The following CELF2 variants were observed in gnomAD, a reference collection of about 807,000 sequenced individuals.
The protein encoded by CELF2 is CUG triplet repeat RNA-binding protein 2.
A neutral mutation model predicts 62.6 loss-of-function variants in CELF2; 8 were observed. The ratio of observed to expected loss-of-function variants is 0.13; its 90% CI spans 0.07 to 0.23. The LOEUF (loss-of-function observed/expected upper bound fraction) is 0.23. Among genes scored for constraint, CELF2 ranks in the 10% least tolerant of loss-of-function variants. The pLI is 1.00. For missense variants in CELF2, 333 were observed against 671.0 expected, an observed-to-expected ratio of 0.50 and a Z score of 5.56; for synonymous variants, 258 against 250.0, an observed-to-expected ratio of 1.03 and a Z score of -0.30.
chr10:11,155,682 T>C (rs749353959), intron 1 of CELF2, among the ~76,000 whole-genome samples: 1 of 152,232 alleles, frequency 6.6e-6, no homozygotes, highest in Non-Finnish European at 1.5e-5. Flanking sequence ...TCTTCACAAG[T>C]GGATTCTGTT....
At chr10:10,706,679 A>G in the CELF2 span, among the ~76,000 whole-genome samples, 1 of 152,230 alleles carries the variant, frequency 6.6e-6, no homozygotes, top group Non-Finnish European at 1.5e-5. Context: ...ATCATATGGT[A>G]TTAGAAAACT....
At chr10:10,869,084 C>T (rs1487092763) in intron 1 of CELF2, among the ~76,000 whole-genome samples, 2 of 151,900 alleles carry the variant, frequency 1.3e-5, no homozygotes, top group Non-Finnish European at 2.9e-5. Flanking sequence ...ACTTTTTTTC[C>T]ATGTCTTACT....
rs1198665557 is a variant in CELF2, at chr10:11,260,619, A to C, written c.538+2747A>C. On this transcript the variant is annotated intron_variant, in intron 5 of 12. Transcript: ENST00000633077. The surrounding 1 kb of genome is among the most constrained non-coding windows in gnomAD (Gnocchi z 4.2). ...TTTTATGCAAACGCTGGCTCAGTGG[A>C]AAGAGGAGAAAACTTTTCCCTCCCC... is the stretch of plus-strand genomic sequence containing the variant. Among the ~76,000 whole-genome samples, 1 of 151,790 alleles carries C rather than the reference A, an allele frequency of 6.6e-6. No homozygotes were observed. The highest frequency in any genetic ancestry group is 6.6e-5 in the Admixed American group (1 of 15,260).
chr10:11,240,112 A>G (rs1334687076), intron 3 of CELF2, among the ~76,000 whole-genome samples: 1 of 152,222 alleles, frequency 6.6e-6, no homozygotes, highest in African/African-American at 2.4e-5. Flanking sequence ...ACAACTTGAA[A>G]TAGCGCTGAG....
At chr10:10,538,655 T>G in the CELF2 span, among the ~76,000 whole-genome samples, 8 of 151,722 alleles carry the variant, frequency 5.3e-5, no homozygotes, top group Non-Finnish European at 1.0e-4. Flanking sequence ...CCAAACATAC[T>G]ACAGAATATG....
the CELF2 span, among the ~76,000 whole-genome samples, chr10:10,500,485 G>T: frequency 6.6e-6 from 1 of 152,284 alleles, no homozygotes; most frequent in Non-Finnish European, 1.5e-5. Context: ...AGTCTCACAA[G>T]ATCTGATGGT....
At chr10:10,677,081 T>G in the CELF2 span, among the ~76,000 whole-genome samples, 1 of 152,232 alleles carries the variant, frequency 6.6e-6, no homozygotes, top group Admixed American at 6.5e-5. Flanking sequence ...ACTTGACAGC[T>G]GTAAAATAAT....
At chr10:11,040,977 A>G (rs1005725226) in intron 1 of CELF2, among the ~76,000 whole-genome samples, 2 of 152,192 alleles carry the variant, frequency 1.3e-5, no homozygotes, top group Admixed American at 6.5e-5. Context: ...ACTAAATGCC[A>G]TAGACTGGAC....
At chr10:10,879,132 T>C (rs2061289393) in intron 1 of CELF2, among the ~76,000 whole-genome samples, 2 of 152,300 alleles carry the variant, frequency 1.3e-5, no homozygotes, top group African/African-American at 4.8e-5. Context: ...TGAAAACAGT[T>C]AATTCCAAGC....
chr10:10,820,486 A>G (rs1228723939), intron 1 of CELF2, among the ~76,000 whole-genome samples: 2 of 152,210 alleles, frequency 1.3e-5, no homozygotes, highest in African/African-American at 4.8e-5. Flanking sequence ...AATATGTGCC[A>G]GGAGGAGAAT....
chr10:10,801,675 A>G (rs1394986353), intron 1 of CELF2, among the ~76,000 whole-genome samples: 3 of 152,342 alleles, frequency 2.0e-5, no homozygotes, highest in Admixed American at 6.5e-5. Context: ...TTTGATATGT[A>G]AAGCATATTA....
chr10:11,048,825 AGT>A (rs1564515555), intron 1 of CELF2, among the ~76,000 whole-genome samples: 1 of 152,214 alleles, frequency 6.6e-6, no homozygotes, highest in African/African-American at 2.4e-5. Flanking sequence ...AAAACTCCAA[AGT>A]GTGTGTGCAC....
chr10:10,679,000 C>T, the CELF2 span, among the ~76,000 whole-genome samples: 1 of 152,188 alleles, frequency 6.6e-6, no homozygotes, highest in African/African-American at 2.4e-5. Flanking sequence ...TATTCCCTCA[C>T]ATGGCCAGGG....
At chr10:10,730,489 T>TA in the CELF2 span, among the ~76,000 whole-genome samples, 19 of 150,272 alleles carry the variant, frequency 1.3e-4, no homozygotes, top group Non-Finnish European at 2.4e-4. Flanking sequence ...AAATAAAAAA[T>TA]AAAAAAAAAG....
chr10:10,472,226 C>T, the CELF2 span, among the ~76,000 whole-genome samples: 1 of 151,588 alleles, frequency 6.6e-6, no homozygotes, highest in Non-Finnish European at 1.5e-5. Flanking sequence ...TATTGGATAG[C>T]CTGAGTGATA....
At chr10:11,198,086 C>T (rs1354359436) in intron 2 of CELF2, among the ~76,000 whole-genome samples, 9 of 152,142 alleles carry the variant, frequency 5.9e-5, no homozygotes, top group Non-Finnish European at 8.8e-5. Context: ...CGGCTTTTAA[C>T]GCTGCAGGAT....
chr10:10,678,693 C>G, the CELF2 span, among the ~76,000 whole-genome samples: 2 of 152,156 alleles, frequency 1.3e-5, no homozygotes, highest in African/African-American at 2.4e-5. Flanking sequence ...TGTGATCAAT[C>G]CATTAAAAAC....
At chr10:11,239,105 GACTT>G (rs1237187618) in intron 3 of CELF2, among the ~76,000 whole-genome samples, 1 of 152,128 alleles carries the variant, frequency 6.6e-6, no homozygotes, top group African/African-American at 2.4e-5. Flanking sequence ...CAGAAATGAT[GACTT>G]AATCACCATA....
At chr10:10,532,377 AT>A in the CELF2 span, among the ~76,000 whole-genome samples, 15 of 152,252 alleles carry the variant, frequency 9.9e-5, no homozygotes, top group Admixed American at 7.2e-4. Context: ...GACTTGGCAT[AT>A]ATGTAGAACT....
Sources: allele counts gnomAD v4.1 joint callset (sites outside exome capture counted in the v4.1 genomes callset), GRCh38; gene constraint gnomAD v4.1.1; non-coding constraint Gnocchi (gnomAD v3.1); transcripts MANE v1.5; gene names NCBI Gene and HGNC (gene_info 2026-07-23, HGNC 2026-07-21).